NUP155: variants seen among roughly 807,000 people sequenced by gnomAD.
NUP155 encodes nucleoporin 155.
In NUP155, 71 loss-of-function variants were observed where a neutral mutation model predicts 180.4. The ratio of observed to expected loss-of-function variants is 0.39; its 90% CI spans 0.33 to 0.48. The LOEUF (loss-of-function observed/expected upper bound fraction) is 0.48, where lower values mean the gene tolerates loss of function less well. NUP155 is among the 20% of genes least tolerant of loss of function. The pLI is 0.91. For missense variants in NUP155, 1,553 were observed against 1,648.9 expected (o/e 0.94, Z 1.01); for synonymous variants, 582 against 559.5 (o/e 1.04, Z -0.57).
In NUP155 at chr5:37,370,940, G is replaced by C; in HGVS notation, c.38C>G (p.Ser13Cys). 1 of 1,614,162 alleles carries C rather than the reference G, an allele frequency of 6.2e-7. No individual in the cohort carries two copies. Among genetic ancestry groups the C allele is most frequent in the African/African-American group, 1.3e-5 (1 of 75,068 alleles). Residue 13 changes from serine to cysteine, a missense_variant, in exon 1 of 35, where the codon TCT becomes TGT. Transcript: ENST00000231498. The stretch of plus-strand genomic sequence containing the variant: ...TTCCTGCAGGGCTGCGGCAGATGTA[G>C]AGGCCGGCATCGCCGCGCCCAACAA... ...SSLLGAAMPA[S>C]TSAAALQEAL...
intron 11 of NUP155, among the ~76,000 whole-genome samples, chr5:37,339,627 C>A (rs1745580672): frequency 6.6e-6 from 1 of 152,050 alleles, no homozygotes; most frequent in Non-Finnish European, 1.5e-5. Context: ...GAACCTTCCT[C>A]CCCACCCTCA....
chr5:37,294,221 T>C (rs1742394606), intron 33 of NUP155, 108 bp downstream of exon 33: 3 of 753,596 alleles, frequency 4.0e-6, no homozygotes, highest in South Asian at 1.8e-5. Flanking sequence ...CAAGTGTAAT[T>C]AGACTAAGTG....
chr5:37,322,384 A>G (rs1008769029), intron 20 of NUP155, among the ~76,000 whole-genome samples: 2 of 152,172 alleles, frequency 1.3e-5, no homozygotes, highest in African/African-American at 4.8e-5. Flanking sequence ...TTTTTCAACA[A>G]AAAGTCCGTA....
At chr5:37,345,510 CAAAAAAA>C (rs570982659) in intron 9 of NUP155, among the ~76,000 whole-genome samples, 70 of 67,130 alleles carry the variant, frequency 1.0e-3, no homozygotes, top group African/African-American at 3.3e-3. Context: ...GACTCCATTT[CAAAAAAA>C]AAAAAAAAAA....
Position 37,333,709 on chromosome 5 carries a change from AAAG to A in NUP155, c.1348-79_1348-77del, listed in dbSNP as rs781556218. 30 of 1,023,024 alleles carry A rather than the reference AAAG, an allele frequency of 2.9e-5. No homozygotes were observed. The African/African-American group carries it at 3.6e-4, about 12-fold the overall frequency. The allele number at this position is 1,023,024 out of a possible 1,614,324, so 63.4% of individuals were successfully genotyped here. A position where few individuals can be genotyped will look rare whatever the true frequency, so the allele number is the denominator to read the frequency against. Reference sequence around the variant, plus strand: ...CAAAAGAAAAAACTACAGACTTAATAAAGAAGTAAATTTAATAAATAGTACATT... The same window carrying A: ...CAAAAGAAAAAACTACAGACTTAATAAAGTAAATTTAATAAATAGTACATT... On this transcript the variant is annotated intron_variant, in intron 12 of 34. Coordinates refer to ENST00000231498, the MANE Select transcript of NUP155 (RefSeq NM_153485.3).
At chr5:37,301,932 C>CT (rs1417716410) in intron 29 of NUP155, among the ~76,000 whole-genome samples, 1 of 152,154 alleles carries the variant, frequency 6.6e-6, no homozygotes, top group Non-Finnish European at 1.5e-5. Context: ...CTTTCTTTTC[C>CT]TTCCACCCTC....
In NUP155 at chr5:37,341,189, T is replaced by C. The variant is rs751831173; in HGVS notation, c.1147A>G (p.Asn383Asp). 3.7e-6 allele frequency: 6 copies of C among 1,614,020 alleles called. No homozygotes were observed. In the East Asian group the frequency reaches 1.3e-4, roughly 36 times the overall value. ...CPFRQPLARPNTLTLVHVRLP... is the reference protein window; with the variant it reads ...CPFRQPLARPDTLTLVHVRLP... ...CGGACATGAACCAGCGTCAGTGTAT[T>C]AGGCCGTGCTAATGGCTGTCTGAAT... Residue 383 changes from asparagine to aspartate, a missense_variant, in exon 11 of 35, where the codon AAT becomes GAT. By Grantham distance (23) the Asn-to-Asp change is conservative. Coordinates refer to ENST00000231498, the MANE Select transcript of NUP155 (RefSeq NM_153485.3).
At chr5:37,337,617 ATTTT>A (rs1321397490) in intron 12 of NUP155, among the ~76,000 whole-genome samples, 197 bp downstream of exon 12, 1 of 152,062 alleles carries the variant, frequency 6.6e-6, no homozygotes, top group South Asian at 2.1e-4. Context: ...TTCTTTAAAG[ATTTT>A]TTTTGTGATT....
At chr5:37,337,020 C>T (rs1745373199) in intron 12 of NUP155, among the ~76,000 whole-genome samples, 1 of 152,126 alleles carries the variant, frequency 6.6e-6, no homozygotes, top group Non-Finnish European at 1.5e-5. Flanking sequence ...TGATCAGCAG[C>T]CTCTGTGGGC....
chr5:37,357,363 C>T (rs917667780), intron 4 of NUP155, among the ~76,000 whole-genome samples: 1 of 130,836 alleles, frequency 7.6e-6, no homozygotes, highest in Non-Finnish European at 1.6e-5. Context: ...TGCCACTGCA[C>T]TCCAGCCCGG....
chr5:37,348,473 A>C (rs745329506), intron 9 of NUP155, 32 bp downstream of exon 9: 2 of 1,322,500 alleles, frequency 1.5e-6, no homozygotes, highest in Non-Finnish European at 2.2e-6. Context: ...TATGCCTGCA[A>C]ATGAAATGCT....
rs146360991 is a variant in NUP155, at chr5:37,342,225, G to A, written c.1093+324C>T. On this transcript the variant is annotated intron_variant, in intron 10 of 34. Transcript: ENST00000231498. ...AGCTAATTTTTGTATTTTTAGTAGA[G>A]ACGGGGTTACAGGGTTTCACCATGT... Among the ~76,000 whole-genome samples, 202 of 152,168 alleles carry A rather than the reference G, an allele frequency of 1.3e-3. 3 individuals carry two copies. The highest frequency in any genetic ancestry group is 4.7e-3 in the African/African-American group (194 of 41,554).
At chr5:37,348,389 T>G (rs1746241291) in intron 9 of NUP155, 116 bp downstream of exon 9, 2 of 755,226 alleles carry the variant, frequency 2.6e-6, no homozygotes, top group East Asian at 5.1e-5. Flanking sequence ...CTCTTCAACA[T>G]TCCTTGTCTT....
chr5:37,296,544 C>T (rs1208198976), intron 32 of NUP155, among the ~76,000 whole-genome samples: 4 of 147,780 alleles, frequency 2.7e-5, no homozygotes, highest in South Asian at 2.2e-4. Flanking sequence ...GGGACACAAA[C>T]GCTGCGGAAG....
At chr5:37,305,454 G>A (rs1192842751) in intron 25 of NUP155, among the ~76,000 whole-genome samples, 1 of 152,104 alleles carries the variant, frequency 6.6e-6, no homozygotes, top group Non-Finnish European at 1.5e-5. Flanking sequence ...GACGAAGGCA[G>A]GGGGACTGCC....
chr5:37,314,299 G>T lies in NUP155; in HGVS notation c.2335C>A (p.Gln779Lys). The T allele has an allele frequency of 6.2e-7, 1 of 1,608,664 alleles. No individual in the cohort carries two copies. The highest frequency in any genetic ancestry group is 8.5e-7 in the Non-Finnish European group (1 of 1,175,404). The stretch of plus-strand genomic sequence containing the variant: ...TTTCGAACCAACTGCTGAATTGCCT[G>T]AAGTGAAATCTTTTCACTTAGTTGA... ...EAQLSEKISLQAIQQLVRKSY... is the reference protein window; with the variant it reads ...EAQLSEKISLKAIQQLVRKSY... The change falls in exon 22 of 35, where the codon CAG (glutamine) becomes AAG (lysine). Residue 779 changes from glutamine (Q) to lysine (K), a missense_variant. By Grantham distance (53) the Gln-to-Lys change is moderately conservative. Transcript: ENST00000231498.
intron 25 of NUP155, among the ~76,000 whole-genome samples, chr5:37,306,668 T>C (rs1743173932): frequency 6.6e-6 from 1 of 151,874 alleles, no homozygotes; most frequent in African/African-American, 2.4e-5. Flanking sequence ...GGTTTCACTA[T>C]GATGGCCAGG....
intron 20 of NUP155, among the ~76,000 whole-genome samples, chr5:37,318,838 A>T (rs1423487156): frequency 6.6e-6 from 1 of 152,240 alleles, no homozygotes; most frequent in Non-Finnish European, 1.5e-5. Flanking sequence ...AAAGAAAAAA[A>T]CACAAAAAAA....
intron 22 of NUP155, among the ~76,000 whole-genome samples, chr5:37,311,680 T>A (rs1165350197): frequency 2.0e-5 from 3 of 151,840 alleles, no homozygotes; most frequent in Non-Finnish European, 4.4e-5. Context: ...TTTTTTTTTT[T>A]ACAGAATTGC....
Sources: gnomAD v4.1 joint callset for allele counts (sites outside exome capture counted in the v4.1 genomes callset) on GRCh38, gnomAD v4.1.1 for gene constraint, MANE v1.5 for transcripts, NCBI Gene and HGNC (gene_info 2026-07-23, HGNC 2026-07-21) for gene names.